The following COQ3 variants were observed in gnomAD, a reference collection of about 807,000 sequenced individuals.
The protein encoded by COQ3 is ubiquinone biosynthesis O-methyltransferase, mitochondrial.
Under a neutral mutation model 33.1 loss-of-function variants are expected in COQ3, and 29 were observed. The observed-to-expected ratio is 0.88, with a 90% CI of 0.65 to 1.19. The LOEUF is 1.19. Among genes scored for constraint, COQ3 ranks in the 50% most tolerant of loss-of-function variants. COQ3 has a pLI of 0.00. For missense variants in COQ3, 437 were observed against 430.7 expected (o/e 1.01, Z -0.13); for synonymous variants, 173 against 157.8 (o/e 1.10, Z -0.72).
At chr6:99,372,008 T>C (rs1171914168) in intron 5 of COQ3, among the ~76,000 whole-genome samples, 1 of 152,252 alleles carries the variant, frequency 6.6e-6, no homozygotes, top group Non-Finnish European at 1.5e-5. Flanking sequence ...AGCACAGAGC[T>C]ATACATCTTG....
In COQ3 at chr6:99,394,151, G is replaced by A. The variant is rs903518890; in HGVS notation, c.29C>T (p.Ser10Phe). The A allele has an allele frequency of 1.9e-6, 3 of 1,606,684 alleles. No homozygotes were observed. Among genetic ancestry groups the A allele is most frequent in the Non-Finnish European group, 1.7e-6 (2 of 1,176,482 alleles). Reference sequence around the variant, plus strand: ...CAGCACTCTTAAAAACCAACCCCCGGAGGAGCCCAGCTTACGGCCACTCCA... The same window carrying A: ...CAGCACTCTTAAAAACCAACCCCCGAAGGAGCCCAGCTTACGGCCACTCCA... Reference protein sequence around the residue: MWSGRKLGSSGGWFLRVLGP... With the variant: MWSGRKLGSFGGWFLRVLGP... Residue 10 changes from serine (S) to phenylalanine (F), a missense_variant, in exon 1 of 7, where the codon TCC (serine) becomes TTC (phenylalanine). Coordinates refer to ENST00000254759, the MANE Select transcript of COQ3 (RefSeq NM_017421.4).
At chr6:99,378,689 G>C (rs1426191961) in intron 3 of COQ3, among the ~76,000 whole-genome samples, 1 of 152,048 alleles carries the variant, frequency 6.6e-6, no homozygotes, top group African/African-American at 2.4e-5. Flanking sequence ...CACTGTCCAG[G>C]GCCTACACTT....
chr6:99,381,148 C>T (rs550473277), intron 2 of COQ3, among the ~76,000 whole-genome samples: 2 of 152,242 alleles, frequency 1.3e-5, no homozygotes, highest in South Asian at 2.1e-4. Flanking sequence ...TTTCTACTGC[C>T]ATAATTCTAA....
At chr6:99,393,371 T>C (rs1334386681) in intron 1 of COQ3, among the ~76,000 whole-genome samples, 2 of 152,180 alleles carry the variant, frequency 1.3e-5, no homozygotes, top group Non-Finnish European at 2.9e-5. Flanking sequence ...AGATTCCCCA[T>C]TTTTTTGTTC....
At position 99,394,139 on chromosome 6, in the gene COQ3, A is replaced by C; in HGVS notation, c.41T>G (p.Phe14Cys). ...GCCTCCAGGCCCCAGCACTCTTAAA[A>C]ACCAACCCCCGGAGGAGCCCAGCTT... The part of the protein sequence containing the change: ...GRKLGSSGGW[F>C]LRVLGPGGCN... The change falls in exon 1 of 7, where the codon TTT (phenylalanine) becomes TGT (cysteine). Residue 14 changes from phenylalanine (F) to cysteine (C), a missense_variant. Phe to Cys is a radical substitution (Grantham distance 205). Transcript: ENST00000254759. 1 of 1,609,562 alleles carries C rather than the reference A, an allele frequency of 6.2e-7. No individual in the cohort carries two copies. Among genetic ancestry groups the C allele is most frequent in the Non-Finnish European group, 8.5e-7 (1 of 1,177,822 alleles).
chr6:99,374,169 G>A (rs1774221934), intron 5 of COQ3, among the ~76,000 whole-genome samples: 1 of 151,214 alleles, frequency 6.6e-6, no homozygotes, highest in South Asian at 2.1e-4. Flanking sequence ...GAGCTCTGTA[G>A]TGCAGTTAAT....
chr6:99,393,926 G>A (rs1238856763), intron 1 of COQ3, 148 bp downstream of exon 1: 3 of 622,786 alleles, frequency 4.8e-6, no homozygotes, highest in Admixed American at 2.9e-5. Flanking sequence ...TTACAATGGA[G>A]AGAGATGGGG....
chr6:99,373,792 G>C (rs894156776), intron 5 of COQ3, among the ~76,000 whole-genome samples: 1 of 152,006 alleles, frequency 6.6e-6, no homozygotes, highest in East Asian at 1.9e-4. Context: ...AGGATTTTGA[G>C]ACCAGCCTGG....
intron 3 of COQ3, 54 bp downstream of exon 3, chr6:99,380,135 T>C: frequency 5.9e-6 from 9 of 1,530,686 alleles, no homozygotes; most frequent in Non-Finnish European, 8.0e-6. Flanking sequence ...GAATGTGAAA[T>C]ATGAATTCTT....
rs145448736 is a variant in COQ3 at position 99,371,285 on chromosome 6, T to C, written c.889+143A>G. ...CTTAATCCTAGCTTCCATGAGTTTA[T>C]GACCTAGTTGAGAAGATAAAACCAA... On this transcript the variant is annotated intron_variant, in intron 6 of 6. Coordinates refer to ENST00000254759, the MANE Select transcript of COQ3 (RefSeq NM_017421.4). 1.1e-3 allele frequency: 641 copies of C among 558,032 alleles called. 3 individuals carry two copies. The African/African-American group carries it at 0.012, about 10-fold the overall frequency. 34.6% of individuals were successfully genotyped at this position (558,032 alleles called of 1,614,324 possible). A position where few individuals can be genotyped will look rare whatever the true frequency, so the allele number is the denominator to read the frequency against.
At chr6:99,384,983 T>C (rs972328413) in intron 1 of COQ3, among the ~76,000 whole-genome samples, 2 of 152,108 alleles carry the variant, frequency 1.3e-5, no homozygotes, top group African/African-American at 4.8e-5. Context: ...TGGTGGCATG[T>C]GCCTGTAATC....
chr6:99,383,527 C>T (rs962801660), intron 2 of COQ3, among the ~76,000 whole-genome samples, 171 bp downstream of exon 2: 2 of 152,104 alleles, frequency 1.3e-5, no homozygotes, highest in Non-Finnish European at 2.9e-5. Context: ...TGAAACTCCC[C>T]AAATTTAAAA....
rs564699093 is a variant in COQ3, at chr6:99,381,737, C to T, written c.234-1396G>A. On this transcript the variant is annotated intron_variant, in intron 2 of 6. Coordinates refer to ENST00000254759, the MANE Select transcript of COQ3 (RefSeq NM_017421.4). ...GGTCAGGAGTTCCAGATCAGCCTGG[C>T]CAACATGGTGAAACCCAGTCTCTAC... Among the ~76,000 whole-genome samples, 6 of 152,146 alleles carry T rather than the reference C, an allele frequency of 3.9e-5. No homozygotes were observed. In the East Asian group the frequency reaches 1.2e-3, roughly 29 times the overall value.
intron 1 of COQ3, among the ~76,000 whole-genome samples, chr6:99,386,902 G>A (rs1174824398): frequency 6.6e-6 from 1 of 151,964 alleles, no homozygotes; most frequent in Non-Finnish European, 1.5e-5. Context: ...AAAAATAGAA[G>A]GGTAAGGAAT....
Position 99,394,189 on chromosome 6 carries a change from C to G in COQ3, c.-10G>C. 1 of 1,565,064 alleles carries G rather than the reference C, an allele frequency of 6.4e-7. No individual in the cohort carries two copies. Among genetic ancestry groups the G allele is most frequent in the African/African-American group, 1.4e-5 (1 of 71,914 alleles). On this transcript the variant is annotated 5_prime_UTR_variant, in exon 1 of 7. Transcript: ENST00000254759. ...TACGGCCACTCCACATCGCGACAAA[C>G]GATCCCACCTCTTTTCCGGTCCCTC...
In COQ3 at chr6:99,369,636, G is replaced by A. The variant is rs1774065800; in HGVS notation, c.1074C>T (p.Cys358=). 1 of 1,613,904 alleles carries A rather than the reference G, an allele frequency of 6.2e-7. No homozygotes were observed. Among genetic ancestry groups the A allele is most frequent in the Non-Finnish European group, 8.5e-7 (1 of 1,179,928 alleles). ...GETEELQANA[C]TNPAVHEKLK... ...GCTTTTCATGCACAGCTGGATTGGT[G>A]CAGGCATTAGCTTGGAGCTCTTCTG... Residue 358 remains cysteine (C), a synonymous_variant, in exon 7 of 7, where the codon TGC becomes TGT. Transcript: ENST00000254759.
chr6:99,377,612 T>C (rs1774335321), intron 3 of COQ3, 127 bp from the exon 4 acceptor site: 3 of 556,762 alleles, frequency 5.4e-6, no homozygotes, highest in Non-Finnish European at 9.0e-6. Context: ...TTTTTATAAA[T>C]AGATCTTTCA....
intron 6 of COQ3, among the ~76,000 whole-genome samples, chr6:99,371,077 T>C (rs371124162): frequency 3.3e-5 from 5 of 152,234 alleles, no homozygotes; most frequent in African/African-American, 1.2e-4. Context: ...AAAAATAATA[T>C]GTAAGATAAG....
At chr6:99,374,456 A>G (rs532143943) in intron 5 of COQ3, among the ~76,000 whole-genome samples, 2 of 152,354 alleles carry the variant, frequency 1.3e-5, no homozygotes, top group Admixed American at 6.5e-5. Flanking sequence ...TGTACTTACT[A>G]TCTTTGCAAT....
Sources: allele counts gnomAD v4.1 joint callset (sites outside exome capture counted in the v4.1 genomes callset), GRCh38; gene constraint gnomAD v4.1.1; transcripts MANE v1.5; gene names NCBI Gene and HGNC (gene_info 2026-07-23, HGNC 2026-07-21).